RBFOX1: variants seen among roughly 807,000 people sequenced by gnomAD.
The protein encoded by RBFOX1 is RNA binding protein fox-1 homolog 1.
A neutral mutation model predicts 57.7 loss-of-function variants in RBFOX1; 8 were observed. The observed-to-expected ratio is 0.14, with a 90% CI of 0.08 to 0.25. The LOEUF (loss-of-function observed/expected upper bound fraction) is 0.25, where lower values mean the gene tolerates loss of function less well. Ranked by LOEUF, RBFOX1 falls within the 10% of genes least tolerant of loss-of-function variation. The probability of loss-of-function intolerance (pLI) is 1.00; values close to 1 mark genes in which losing one functional copy is unlikely to be tolerated. For missense variants in RBFOX1, 611 were observed against 548.5 expected, an observed-to-expected ratio of 1.11 and a Z score of -1.14; for synonymous variants, 326 against 222.4, an observed-to-expected ratio of 1.47 and a Z score of -4.15.
chr16:6,193,379 T>TATAA lies in RBFOX1; in HGVS notation c.-126-123616_-126-123615insATAA, dbSNP rs1555545337. Reference sequence around the variant, plus strand: ...CATTATATATATATATATATATACATTATATATATATACTATATATATATA... The same window carrying TATAA: ...CATTATATATATATATATATATACATATAATATATATATATACTATATATATATA... On this transcript the variant is annotated intron_variant, in intron 1 of 15. Transcript: ENST00000550418. Among the ~76,000 whole-genome samples the TATAA allele has an allele frequency of 9.5e-5, 6 of 63,130 alleles. 1 individual carries two copies. The highest frequency in any genetic ancestry group is 3.1e-4 in the African/African-American group (6 of 19,470). 41.4% of individuals were successfully genotyped at this position (63,130 alleles called of 152,430 possible).
intron 4 of RBFOX1, among the ~76,000 whole-genome samples, chr16:7,133,833 C>T (rs953055557): frequency 6.6e-6 from 1 of 152,052 alleles, no homozygotes; most frequent in Non-Finnish European, 1.5e-5. Context: ...CTTTTGTACT[C>T]CAAAACGTAA....
At chr16:5,973,223 A>G (rs1321180460) in intron 4 of RBFOX1, among the ~76,000 whole-genome samples, 1 of 152,198 alleles carries the variant, frequency 6.6e-6, no homozygotes, top group African/African-American at 2.4e-5. Context: ...TTCGTGAAAG[A>G]AGGAGGTATT....
intron 2 of RBFOX1, among the ~76,000 whole-genome samples, chr16:6,567,303 C>T (rs1296562794): frequency 2.0e-5 from 3 of 152,134 alleles, no homozygotes; most frequent in Admixed American, 6.5e-5. Context: ...TTATTATTGT[C>T]CTGAACACAG....
At chr16:5,805,183 T>C (rs1240141810) in intron 3 of RBFOX1, among the ~76,000 whole-genome samples, 3 of 152,152 alleles carry the variant, frequency 2.0e-5, no homozygotes, top group Non-Finnish European at 1.5e-5. Flanking sequence ...CAGTGATTCA[T>C]GTGAACAGTA....
intron 1 of RBFOX1, among the ~76,000 whole-genome samples, chr16:6,135,955 C>A (rs1463499297): frequency 1.3e-5 from 2 of 151,756 alleles, no homozygotes; most frequent in Non-Finnish European, 2.9e-5. Context: ...CCACCATACC[C>A]AGCTAATTTT....
chr16:5,831,779 T>C (rs1275134790), intron 3 of RBFOX1, among the ~76,000 whole-genome samples: 1 of 152,128 alleles, frequency 6.6e-6, no homozygotes, highest in Non-Finnish European at 1.5e-5. Flanking sequence ...AGTATTCCTT[T>C]TTAGCCATGC....
chr16:6,902,057 A>G (rs910003969), intron 3 of RBFOX1, among the ~76,000 whole-genome samples: 3 of 152,192 alleles, frequency 2.0e-5, no homozygotes, highest in Non-Finnish European at 2.9e-5. Flanking sequence ...ATATGGAAAT[A>G]TAAAGTTGCA....
At chr16:6,029,132 C>G (rs2152382540) in intron 1 of RBFOX1, among the ~76,000 whole-genome samples, 1 of 152,316 alleles carries the variant, frequency 6.6e-6, no homozygotes, top group East Asian at 1.9e-4. Context: ...GCCTCTCACC[C>G]CATGACTCTT....
chr16:6,262,210 T>C (rs1238648460), intron 1 of RBFOX1, among the ~76,000 whole-genome samples: 1 of 152,158 alleles, frequency 6.6e-6, no homozygotes, highest in Admixed American at 6.5e-5. Flanking sequence ...TCGGCCATCA[T>C]ACCCTCATTC....
At chr16:6,558,110 C>A (rs2097130092) in intron 2 of RBFOX1, among the ~76,000 whole-genome samples, 2 of 152,110 alleles carry the variant, frequency 1.3e-5, no homozygotes, top group Non-Finnish European at 1.5e-5. Context: ...TTATGTACTC[C>A]AAATCAGTGC....
chr16:7,635,454 G>T (rs1597013105), intron 11 of RBFOX1, among the ~76,000 whole-genome samples: 1 of 152,014 alleles, frequency 6.6e-6, no homozygotes, highest in East Asian at 1.9e-4. Context: ...AATAATGTGG[G>T]AATAATATCC....
chr16:5,446,045 T>C (rs757736561), intron 1 of RBFOX1, among the ~76,000 whole-genome samples: 36 of 152,218 alleles, frequency 2.4e-4, no homozygotes, highest in Non-Finnish European at 4.4e-4. Context: ...GTCTTGGAAG[T>C]AAATTTTTAC....
chr16:6,913,682 G>T (rs1294844468), intron 3 of RBFOX1, among the ~76,000 whole-genome samples: 1 of 152,154 alleles, frequency 6.6e-6, no homozygotes, highest in African/African-American at 2.4e-5. Context: ...GGTAGACCTG[G>T]CTCCTTGCCT....
intron 2 of RBFOX1, among the ~76,000 whole-genome samples, chr16:5,585,953 G>C (rs1356419004): frequency 6.6e-6 from 1 of 152,182 alleles, no homozygotes; most frequent in Non-Finnish European, 1.5e-5. Context: ...TGTGGAAACA[G>C]GGTCTTTACA....
intron 3 of RBFOX1, among the ~76,000 whole-genome samples, chr16:7,040,581 T>G (rs1356217864): frequency 1.3e-5 from 2 of 152,232 alleles, no homozygotes; most frequent in African/African-American, 2.4e-5. Context: ...ACTATTGGTC[T>G]GGTTCCCAGG....
At chr16:6,630,964 T>G (rs1462191586) in intron 2 of RBFOX1, among the ~76,000 whole-genome samples, 1 of 152,052 alleles carries the variant, frequency 6.6e-6, no homozygotes, top group Non-Finnish European at 1.5e-5. Flanking sequence ...TTGAATGCAT[T>G]TAGATTTGGG....
At chr16:5,409,802 C>A (rs1335787022) in intron 1 of RBFOX1, among the ~76,000 whole-genome samples, 1 of 152,250 alleles carries the variant, frequency 6.6e-6, no homozygotes, top group South Asian at 2.1e-4. Context: ...GTAATCCCAG[C>A]ACTTTGGGAG....
At chr16:6,055,267 A>C (rs1329928131) in intron 1 of RBFOX1, among the ~76,000 whole-genome samples, 1 of 152,088 alleles carries the variant, frequency 6.6e-6, no homozygotes, top group Non-Finnish European at 1.5e-5. Flanking sequence ...GTGTCAAGTG[A>C]GTATGACATG....
chr16:6,847,555 A>G (rs1355065477), intron 3 of RBFOX1, among the ~76,000 whole-genome samples: 5 of 151,984 alleles, frequency 3.3e-5, no homozygotes, highest in Non-Finnish European at 7.4e-5. Flanking sequence ...AGGTGTAGGG[A>G]AGTGTGGTCC....
Sources: gnomAD v4.1 joint callset for allele counts (sites outside exome capture counted in the v4.1 genomes callset) on GRCh38, gnomAD v4.1.1 for gene constraint, MANE v1.5 for transcripts, NCBI Gene and HGNC (gene_info 2026-07-23, HGNC 2026-07-21) for gene names.